The following MAD1L1 variants were observed in gnomAD, a reference collection of about 807,000 sequenced individuals.
The protein encoded by MAD1L1 is mitotic spindle assembly checkpoint protein MAD1.
Under a neutral mutation model 96.9 loss-of-function variants are expected in MAD1L1, and 95 were observed. That is an observed-to-expected ratio of 0.98 (90% confidence interval 0.83 to 1.16). The LOEUF is 1.16. Ranked by LOEUF, MAD1L1 falls within the 50% of genes most tolerant of loss-of-function variation. The probability of loss-of-function intolerance (pLI) is 0.00; values close to 1 mark genes in which losing one functional copy is unlikely to be tolerated. For synonymous variants in MAD1L1, 473 were observed against 396.6 expected, an observed-to-expected ratio of 1.19 and a Z score of -2.29; for missense variants, 1,007 against 954.4, an observed-to-expected ratio of 1.06 and a Z score of -0.73.
intron 11 of MAD1L1, among the ~76,000 whole-genome samples, chr7:2,121,964 G>C (rs1788002651): frequency 6.6e-6 from 1 of 152,214 alleles, no homozygotes; most frequent in Non-Finnish European, 1.5e-5. Flanking sequence ...GAGCCAAGAC[G>C]CACCAAGACA....
intron 10 of MAD1L1, among the ~76,000 whole-genome samples, chr7:2,155,648 T>C (rs1259697774): frequency 6.6e-6 from 1 of 152,328 alleles, no homozygotes; most frequent in South Asian, 2.1e-4. Context: ...CTCCTTCCTT[T>C]TGAAGGCTGA....
chr7:1,883,453 C>A (rs1785812181), intron 18 of MAD1L1, among the ~76,000 whole-genome samples: 1 of 152,192 alleles, frequency 6.6e-6, no homozygotes. Flanking sequence ...GGGAGGGCTG[C>A]CCATGCCCGC....
intron 10 of MAD1L1, among the ~76,000 whole-genome samples, chr7:2,153,106 A>G (rs986047358): frequency 3.9e-5 from 6 of 152,184 alleles, no homozygotes; most frequent in Admixed American, 1.3e-4. Context: ...CAAGGAAAAC[A>G]CTTCAGGACA....
chr7:2,069,433 C>T (rs1180312704), intron 11 of MAD1L1, 95 bp from the exon 12 acceptor site: 4 of 1,262,674 alleles, frequency 3.2e-6, no homozygotes, highest in Non-Finnish European at 4.2e-6. Flanking sequence ...ACCAGGACAT[C>T]CTAAAATAGA....
intron 12 of MAD1L1, among the ~76,000 whole-genome samples, chr7:2,068,391 C>T (rs1261842989): frequency 6.6e-6 from 1 of 152,264 alleles, no homozygotes; most frequent in African/African-American, 2.4e-5. Flanking sequence ...GAGGTCCCAG[C>T]AGCAAAGAGG....
At chr7:1,953,582 C>T (rs1043138161) in intron 16 of MAD1L1, among the ~76,000 whole-genome samples, 4 of 152,380 alleles carry the variant, frequency 2.6e-5, no homozygotes, top group Non-Finnish European at 4.4e-5. Context: ...TTAGAGGAAG[C>T]GTGCAGATGT....
At chr7:1,951,267 T>G (rs1197289947) in intron 16 of MAD1L1, among the ~76,000 whole-genome samples, 1 of 152,160 alleles carries the variant, frequency 6.6e-6, no homozygotes, top group Non-Finnish European at 1.5e-5. Flanking sequence ...AGGCAGCAGG[T>G]GCAGGACCAG....
chr7:2,156,823 A>G (rs1199446092), intron 10 of MAD1L1, among the ~76,000 whole-genome samples: 1 of 88,828 alleles, frequency 1.1e-5, no homozygotes, highest in Non-Finnish European at 2.4e-5. Flanking sequence ...CTCCATCTCA[A>G]AAAAAAAAAA....
At chr7:1,936,352 T>A (rs909003018) in intron 17 of MAD1L1, among the ~76,000 whole-genome samples, 2 of 152,230 alleles carry the variant, frequency 1.3e-5, no homozygotes, top group Non-Finnish European at 2.9e-5. Context: ...TGGACTTGTT[T>A]TCGTGGAGGA....
chr7:1,967,044 G>A (rs59781383), intron 15 of MAD1L1, among the ~76,000 whole-genome samples: 1,991 of 152,296 alleles, frequency 0.013, 35 homozygotes, highest in African/African-American at 0.045. Flanking sequence ...TAATACCCGG[G>A]TCTCTTACTG....
At chr7:2,221,953 G>A (rs1339561213) in intron 5 of MAD1L1, among the ~76,000 whole-genome samples, 2 of 152,122 alleles carry the variant, frequency 1.3e-5, no homozygotes, top group Admixed American at 6.5e-5. Context: ...GAGGGCTGAG[G>A]GAAGGGCTAC....
intron 18 of MAD1L1, among the ~76,000 whole-genome samples, chr7:1,850,983 C>T (rs975656116): frequency 6.6e-6 from 1 of 152,186 alleles, no homozygotes; most frequent in Non-Finnish European, 1.5e-5. Flanking sequence ...GTCCGTGGGT[C>T]GAGGACCACA....
chr7:2,219,288 C>T (rs577471228), intron 6 of MAD1L1, 44 bp downstream of exon 6: 45 of 1,523,848 alleles, frequency 3.0e-5, no homozygotes, highest in Middle Eastern at 2.3e-4. Flanking sequence ...CGCATGCCCC[C>T]ACACGTGACC....
intron 11 of MAD1L1, among the ~76,000 whole-genome samples, chr7:2,113,577 C>G (rs888554908): frequency 1.3e-5 from 2 of 152,064 alleles, no homozygotes. Flanking sequence ...GAGACTCTAT[C>G]TCAAAAAAAT....
chr7:2,037,587 C>T (rs544401165), intron 12 of MAD1L1, among the ~76,000 whole-genome samples: 11 of 152,180 alleles, frequency 7.2e-5, no homozygotes, highest in Admixed American at 3.9e-4. Flanking sequence ...GATTCTGGGG[C>T]GCCACGTCCT....
chr7:1,887,184 C>T lies in MAD1L1; in HGVS notation c.1998+11016G>A, dbSNP rs113484927. The stretch of plus-strand genomic sequence containing the variant: ...TCACAGAAGCAGGTGCCACATGGGA[C>T]GCCTGGGAGAGACAGAGGCCAACTG... On this transcript the variant is annotated intron_variant, in intron 18 of 18. Coordinates refer to ENST00000265854, the MANE Select transcript of MAD1L1 (RefSeq NM_001013836.2). Among the ~76,000 whole-genome samples, 263 of 152,320 alleles carry T rather than the reference C, an allele frequency of 1.7e-3. 2 individuals carry two copies. The highest frequency in any genetic ancestry group is 6.0e-3 in the African/African-American group (249 of 41,566).
chr7:1,910,259 G>A (rs1170603306), intron 17 of MAD1L1, among the ~76,000 whole-genome samples: 3 of 152,168 alleles, frequency 2.0e-5, no homozygotes, highest in Non-Finnish European at 1.5e-5. Context: ...GCGGAAGGAG[G>A]GACATTGGCC....
chr7:1,896,358 G>A lies in MAD1L1; in HGVS notation c.1998+1842C>T, dbSNP rs114935158. On this transcript the variant is annotated intron_variant, in intron 18 of 18. Coordinates refer to ENST00000265854, the MANE Select transcript of MAD1L1 (RefSeq NM_001013836.2). ...GCCGGGGGAGCTGAGATGCTGGCTC[G>A]AGCAGGAAGAGCGGCAGGGCCCATG... Among the ~76,000 whole-genome samples the A allele has an allele frequency of 8.1e-3, 1,231 of 152,332 alleles. 16 individuals are homozygous for A. The highest frequency in any genetic ancestry group is 0.028 in the African/African-American group (1,149 of 41,570).
rs1786024747 is a variant in MAD1L1 at position 2,088,199 on chromosome 7, C to T, written c.1074-18861G>A. On this transcript the variant is annotated intron_variant, in intron 11 of 18. Transcript: ENST00000265854. This position sits in a 1 kb window ranked among gnomAD's most constrained non-coding sequence, Gnocchi z 4.4. ...GGACGAGGTCGGGCAGCAAAGCGAC[C>T]TTGGATCACACATCGCGCCTCTTCA... 6.6e-6 allele frequency among the ~76,000 whole-genome samples: 1 copy of T among 152,194 alleles called. No homozygotes were observed. The highest frequency in any genetic ancestry group is 2.4e-5 in the African/African-American group (1 of 41,434).
Sources: gnomAD v4.1 joint callset for allele counts (sites outside exome capture counted in the v4.1 genomes callset) on GRCh38, gnomAD v4.1.1 for gene constraint, Gnocchi (gnomAD v3.1) non-coding constraint, MANE v1.5 for transcripts, NCBI Gene and HGNC (gene_info 2026-07-23, HGNC 2026-07-21) for gene names.